SEC22B: variants seen among roughly 807,000 people sequenced by gnomAD.
The protein encoded by SEC22B is vesicle-trafficking protein SEC22b.
Under a neutral mutation model 31.4 loss-of-function variants are expected in SEC22B, and 10 were observed. That is an observed-to-expected ratio of 0.32 (90% CI 0.20 to 0.54). The LOEUF (loss-of-function observed/expected upper bound fraction) is 0.54, where lower values mean the gene tolerates loss of function less well. Among genes scored for constraint, SEC22B ranks in the 20% least tolerant of loss-of-function variants. SEC22B has a pLI of 0.94. For synonymous variants in SEC22B, 60 were observed against 95.9 expected (o/e 0.63, Z 2.19); for missense variants, 130 against 263.4 (o/e 0.49, Z 3.50).
Position 120,155,992 on chromosome 1 carries a change from A to T in SEC22B, c.*1046T>A, listed in dbSNP as rs1657622462. The T allele has an allele frequency of 6.6e-6, 1 of 152,152 alleles. No homozygotes were observed. Among genetic ancestry groups the T allele is most frequent in the African/African-American group, 2.4e-5 (1 of 41,450 alleles). 9.4% of individuals were successfully genotyped at this position (152,152 alleles called of 1,614,324 possible). On this transcript the variant is annotated 3_prime_UTR_variant, in exon 5 of 5. Coordinates refer to ENST00000578049, the MANE Select transcript of SEC22B (RefSeq NM_004892.6). ...AGTAGTTTGAGTAGTTGATCTGCAA[A>T]AACTTTAACTTTAATTAACTACATA... is the stretch of plus-strand genomic sequence containing the variant.
intron 2 of SEC22B, among the ~76,000 whole-genome samples, chr1:120,166,402 C>CAT (rs1657809235): frequency 6.6e-6 from 1 of 151,024 alleles, no homozygotes; most frequent in East Asian, 1.9e-4. Context: ...TTTTTACACA[C>CAT]ACACACACAC....
chr1:120,165,421 T>C (rs1204686923), intron 2 of SEC22B, among the ~76,000 whole-genome samples: 2 of 152,178 alleles, frequency 1.3e-5, no homozygotes, highest in Admixed American at 1.3e-4. Context: ...TGATTACACA[T>C]CTGAGAAATT....
At chr1:120,163,676 A>C (rs1203915992) in intron 2 of SEC22B, among the ~76,000 whole-genome samples, 2 of 151,380 alleles carry the variant, frequency 1.3e-5, no homozygotes, top group Non-Finnish European at 2.9e-5. Context: ...CCCGGGTTCA[A>C]GCCATTCTCC....
At chr1:120,170,696 T>C (rs1408345353) in intron 1 of SEC22B, among the ~76,000 whole-genome samples, 2 of 145,636 alleles carry the variant, frequency 1.4e-5, no homozygotes, top group Non-Finnish European at 3.0e-5. Context: ...TGTATGTATG[T>C]ACAGTTTTAT....
chr1:120,176,201 G>T, intron 1 of SEC22B, 106 bp downstream of exon 1: 3 of 1,007,972 alleles, frequency 3.0e-6, no homozygotes, highest in Non-Finnish European at 3.0e-6. Flanking sequence ...GGTCGGGAGT[G>T]CCCGGGAAGT....
chr1:120,157,331 A>C (rs1657642826), intron 4 of SEC22B, 139 bp from the exon 5 acceptor site: 2 of 574,040 alleles, frequency 3.5e-6, no homozygotes, highest in Admixed American at 4.0e-5. Flanking sequence ...CTAACATTGC[A>C]TATACTAATT....
chr1:120,160,305 T>C, intron 4 of SEC22B, 79 bp downstream of exon 4: 1 of 1,020,228 alleles, frequency 9.8e-7, no homozygotes, highest in Non-Finnish European at 1.4e-6. Context: ...TCTAATAGCA[T>C]AAAAGGCACT....
chr1:120,176,447 C>G lies in SEC22B; in HGVS notation c.-66G>C, dbSNP rs1657967180. 2 of 1,413,628 alleles carry G rather than the reference C, an allele frequency of 1.4e-6. No homozygotes were observed. The highest frequency in any genetic ancestry group is 3.6e-5 in the Admixed American group (2 of 56,050). The allele number at this position is 1,413,628 out of a possible 1,614,324, so 87.6% of individuals were successfully genotyped here. A position where few individuals can be genotyped will look rare whatever the true frequency, so the allele number is the denominator to read the frequency against. ...CTTGGCGCCGTCCTCACTTCCTCCGCCGCGACAACAGTTATACCCTATGTC... is the reference window on the plus strand; with the variant it reads ...CTTGGCGCCGTCCTCACTTCCTCCGGCGCGACAACAGTTATACCCTATGTC... On this transcript the variant is annotated 5_prime_UTR_variant, in exon 1 of 5. Transcript: ENST00000578049.
intron 3 of SEC22B, among the ~76,000 whole-genome samples, chr1:120,163,006 C>A: frequency 6.6e-6 from 1 of 152,130 alleles, no homozygotes; most frequent in East Asian, 1.9e-4. Context: ...GGGGAAAGAT[C>A]AAAAGACTAG....
chr1:120,157,348 T>C (rs1384992521), intron 4 of SEC22B, 156 bp from the exon 5 acceptor site: 34 of 508,052 alleles, frequency 6.7e-5, no homozygotes, highest in Non-Finnish European at 8.6e-5. Flanking sequence ...AATTAACTGA[T>C]GATGCTGATC....
In SEC22B at chr1:120,166,093, T is replaced by G. The variant is rs1570868319; in HGVS notation, c.186-2723A>C. On this transcript the variant is annotated intron_variant, in intron 2 of 4. Coordinates refer to ENST00000578049, the MANE Select transcript of SEC22B (RefSeq NM_004892.6). The stretch of plus-strand genomic sequence containing the variant: ...AAATAAAAACCACAACGACATATTA[T>G]TTCACCCCAGTTAAAATGTCTATTA... 2.7e-5 allele frequency among the ~76,000 whole-genome samples: 4 copies of G among 150,666 alleles called. No individual in the cohort carries two copies. In the South Asian group the frequency reaches 8.4e-4, roughly 32 times the overall value.
In SEC22B at chr1:120,154,397, G is replaced by A. The variant is rs1393557899; in HGVS notation, c.*2641C>T. 1.3e-5 allele frequency: 2 copies of A among 150,882 alleles called. No homozygotes were observed. The highest frequency in any genetic ancestry group is 4.9e-5 in the African/African-American group (2 of 41,058). 9.3% of individuals were successfully genotyped at this position (150,882 alleles called of 1,614,324 possible). A position where few individuals can be genotyped will look rare whatever the true frequency, so the allele number is the denominator to read the frequency against. ...AAAGAGTACTTACTTCAAAAGCTTTGGTCAGTGTGAGAAATAAGCTCCTAA... is the reference window on the plus strand; with the variant it reads ...AAAGAGTACTTACTTCAAAAGCTTTAGTCAGTGTGAGAAATAAGCTCCTAA... On this transcript the variant is annotated 3_prime_UTR_variant, in exon 5 of 5. Coordinates refer to ENST00000578049, the MANE Select transcript of SEC22B (RefSeq NM_004892.6).
intron 3 of SEC22B, among the ~76,000 whole-genome samples, chr1:120,161,447 A>G (rs1657716407): frequency 6.6e-6 from 1 of 152,062 alleles, no homozygotes; most frequent in East Asian, 1.9e-4. Flanking sequence ...AAATCCCAGC[A>G]TTTTGGGAGG....
At chr1:120,162,747 ATGTTT>A (rs1657739734) in intron 3 of SEC22B, among the ~76,000 whole-genome samples, 1 of 151,962 alleles carries the variant, frequency 6.6e-6, no homozygotes, top group African/African-American at 2.4e-5. Context: ...TTTCTTTGTT[ATGTTT>A]TGTTTTTTTA....
At chr1:120,168,481 A>G (rs1438935274) in intron 2 of SEC22B, among the ~76,000 whole-genome samples, 2 of 152,110 alleles carry the variant, frequency 1.3e-5, no homozygotes, top group Non-Finnish European at 2.9e-5. Flanking sequence ...ACTACTTTAT[A>G]GAGGAAACTG....
intron 2 of SEC22B, among the ~76,000 whole-genome samples, chr1:120,167,779 GT>G (rs1165360204): frequency 1.3e-5 from 2 of 152,146 alleles, no homozygotes; most frequent in African/African-American, 4.8e-5. Context: ...GATTATGAAT[GT>G]CCTAAAGGAA....
rs1657638464 is a variant in SEC22B at position 120,157,025 on chromosome 1, T to A, written c.*13A>T. ...TTCTAGGTTCTCCCTTACCAGTGAC[T>A]GTATTCATTATTTCACAGCCACCAG... On this transcript the variant is annotated 3_prime_UTR_variant, in exon 5 of 5. Transcript: ENST00000578049. The A allele has an allele frequency of 2.5e-6, 3 of 1,192,030 alleles. No individual in the cohort carries two copies. Among genetic ancestry groups the A allele is most frequent in the Non-Finnish European group, 3.5e-6 (3 of 857,404 alleles). 73.8% of individuals were successfully genotyped at this position (1,192,030 alleles called of 1,614,324 possible). A position where few individuals can be genotyped will look rare whatever the true frequency, so the allele number is the denominator to read the frequency against.
At chr1:120,161,849 A>G (rs1657724072) in intron 3 of SEC22B, among the ~76,000 whole-genome samples, 2 of 148,692 alleles carry the variant, frequency 1.3e-5, no homozygotes, top group South Asian at 4.2e-4. Flanking sequence ...TACCCCTTTC[A>G]TTTGCCTCTT....
intron 2 of SEC22B, among the ~76,000 whole-genome samples, chr1:120,165,244 T>C (rs1464866771): frequency 6.6e-6 from 1 of 152,080 alleles, no homozygotes; most frequent in African/African-American, 2.4e-5. Flanking sequence ...GAAATTTCTG[T>C]GGATAGAAAT....
Sources: gnomAD v4.1 joint callset for allele counts (sites outside exome capture counted in the v4.1 genomes callset) on GRCh38, gnomAD v4.1.1 for gene constraint, MANE v1.5 for transcripts, NCBI Gene and HGNC (gene_info 2026-07-23, HGNC 2026-07-21) for gene names.